Variants in TTN observed in about 807,000 individuals in gnomAD.
TTN encodes titin.
In TTN, 1,525 loss-of-function variants were observed where a neutral mutation model predicts 3,223.0. That is an observed-to-expected ratio of 0.47 (90% CI 0.45 to 0.49). TTN has a LOEUF of 0.49. TTN is among the 20% of genes least tolerant of loss of function. The pLI is 0.00. For synonymous variants in TTN, 14,094 were observed against 15,161.0 expected, an observed-to-expected ratio of 0.93 and a Z score of 5.17; for missense variants, 40,786 against 43,424.0, an observed-to-expected ratio of 0.94 and a Z score of 5.40.
rs1035536353 is a variant in TTN, at chr2:178,594,160, T to A, written c.58233A>T (p.Ser19411=). ...GEAFALTGRY[S]GKPKPKVSWF... ...AGGAAACCTTAGGCTTTGGTTTGCCTGAGTAACGGCCAGTGAGGGCAAAAG... is the reference window on the plus strand; with the variant it reads ...AGGAAACCTTAGGCTTTGGTTTGCCAGAGTAACGGCCAGTGAGGGCAAAAG... The change falls in exon 297 of 363, where the codon TCA becomes TCT. Residue 19411 remains serine (S), a synonymous_variant. Transcript: ENST00000589042. 1.2e-6 allele frequency: 2 copies of A among 1,613,244 alleles called. No homozygotes were observed. Among genetic ancestry groups the A allele is most frequent in the African/African-American group, 2.7e-5 (2 of 74,916 alleles).
Position 178,570,048 on chromosome 2 carries a change from A to C in TTN, c.76084T>G (p.Leu25362Val), listed in dbSNP as rs1409589701. ...TRCHKRLIGE[L>V]RLRVTGLIEN... is the part of the protein sequence containing the mutation. ...ATGAGTCCAGTTACTCTCAGGCGCA[A>C]CTCTCCAATCAGACGCTTATGGCAT... Residue 25362 changes from leucine to valine, a missense_variant, in exon 326 of 363, where the codon TTG becomes GTG. Coordinates refer to ENST00000589042, the MANE Select transcript of TTN (RefSeq NM_001267550.2). 1 of 1,613,082 alleles carries C rather than the reference A, an allele frequency of 6.2e-7. No individual in the cohort carries two copies. Among genetic ancestry groups the C allele is most frequent in the East Asian group, 2.2e-5 (1 of 44,774 alleles).
intron 232 of TTN, 29 bp downstream of exon 232, chr2:178,633,384 G>A: frequency 1.2e-6 from 2 of 1,612,924 alleles, no homozygotes; most frequent in Middle Eastern, 1.6e-4. Context: ...ATTCAGATAG[G>A]GTAAATTTTA....
chr2:178,604,731 T>A lies in TTN; in HGVS notation c.54358A>T (p.Thr18120Ser), dbSNP rs770883968. ...ACCCCATATCTTTTCTCTACAGCAG[T>A]GTTGGTGACTTCCTCCCATTCTGCT... ...KKAEWEEVTNTAVEKRYGIWK... is the reference protein window; with the variant it reads ...KKAEWEEVTNSAVEKRYGIWK... The change falls in exon 281 of 363, where the codon ACT (threonine) becomes TCT (serine). Residue 18120 changes from threonine (T) to serine (S), a missense_variant. Transcript: ENST00000589042. The A allele has an allele frequency of 6.2e-7, 1 of 1,611,372 alleles. No homozygotes were observed. The highest frequency in any genetic ancestry group is 8.5e-7 in the Non-Finnish European group (1 of 1,178,464).
At position 178,589,393 on chromosome 2, in the gene TTN, C is replaced by A. The variant is rs754672686; in HGVS notation, c.62332G>T (p.Val20778Phe). The A allele has an allele frequency of 1.2e-6, 2 of 1,613,264 alleles. No homozygotes were observed. The highest frequency in any genetic ancestry group is 1.3e-5 in the African/African-American group (1 of 74,872). Residue 20778 changes from valine to phenylalanine, a missense_variant, in exon 304 of 363, where the codon GTC becomes TTC. Transcript: ENST00000589042. Reference sequence around the variant, plus strand: ...GTGTCCCCTGCTTTGACAGTTAGGACCCCACTTAATTTCAGATCAAGTACT... The same window carrying A: ...GTGTCCCCTGCTTTGACAGTTAGGAACCCACTTAATTTCAGATCAAGTACT... ...KPVLDLKLSGVLTVKAGDTIR... is the reference protein window; with the variant it reads ...KPVLDLKLSGFLTVKAGDTIR...
In TTN at chr2:178,536,157, G is replaced by A. The variant is rs1489832770; in HGVS notation, c.100590C>T (p.Tyr33530=). ...TGHPKPIVKW[Y]RQGKEIIADG... ...CTGCAATGATTTCTTTGCCTTGTCT[G>A]TACCATTTGACGATAGGTTTTGGAT... The change falls in exon 357 of 363, where the codon TAC becomes TAT. Residue 33530 remains tyrosine (Y), a synonymous_variant. Coordinates refer to ENST00000589042, the MANE Select transcript of TTN (RefSeq NM_001267550.2). 1.2e-6 allele frequency: 2 copies of A among 1,613,468 alleles called. No homozygotes were observed. Among genetic ancestry groups the A allele is most frequent in the African/African-American group, 1.3e-5 (1 of 74,886 alleles).
Position 178,549,975 on chromosome 2 carries a change from T to C in TTN, c.91852+11A>G. 6.3e-7 allele frequency: 1 copy of C among 1,594,534 alleles called. No individual in the cohort carries two copies. Among genetic ancestry groups the C allele is most frequent in the Non-Finnish European group, 8.6e-7 (1 of 1,168,508 alleles). On this transcript the variant is annotated intron_variant, in intron 337 of 362. Transcript: ENST00000589042. Reference sequence around the variant, plus strand: ...ATAAATTGTAGCATTAAGAAGCTATTTTAAAAGTACCTTGTACTTTCACTT... The same window carrying C: ...ATAAATTGTAGCATTAAGAAGCTATCTTAAAAGTACCTTGTACTTTCACTT...
rs753125248 is a variant in TTN at position 178,709,790 on chromosome 2, G to T, written c.28529C>A (p.Ser9510Tyr). 1.1e-5 allele frequency: 17 copies of T among 1,613,670 alleles called. No individual in the cohort carries two copies. In the Middle Eastern group the frequency reaches 8.3e-4, roughly 78 times the overall value. The change falls in exon 99 of 363, where the codon TCT (serine) becomes TAT (tyrosine). Residue 9510 changes from serine (S) to tyrosine (Y), a missense_variant. By Grantham distance (144) the Ser-to-Tyr change is moderately radical. Transcript: ENST00000589042. ...AGCCACACGTCCCTCAAGTTTGAAAGAATTCCCTTCTGTTTCTTCTACTGT... is the reference window on the plus strand; with the variant it reads ...AGCCACACGTCCCTCAAGTTTGAAATAATTCCCTTCTGTTTCTTCTACTGT... ...SETVEETEGN[S>Y]FKLEGRVAGS...
rs369163954 is a variant in TTN at position 178,718,990 on chromosome 2, G to A, written c.24227-17C>T. On this transcript the variant is annotated splice_polypyrimidine_tract_variant and intron_variant, in intron 83 of 362. Transcript: ENST00000589042. ...ATGGTGGTTCTAGATATTGCAAGGC[G>A]GAAGGGGAGATAAAGAGAAGAAAGA... 38 of 1,566,836 alleles carry A rather than the reference G, an allele frequency of 2.4e-5. No homozygotes were observed. The highest frequency in any genetic ancestry group is 1.6e-4 in the South Asian group (13 of 83,626).
At chr2:178,700,114 TTAACA>T (rs751099220) in intron 111 of TTN, among the ~76,000 whole-genome samples, 6 of 152,200 alleles carry the variant, frequency 3.9e-5, no homozygotes, top group Non-Finnish European at 8.8e-5. Context: ...AAATCATTCA[TTAACA>T]TAAGTTATTA....
At position 178,729,505 on chromosome 2, in the gene TTN, C is replaced by T. The variant is rs1271079786; in HGVS notation, c.18651G>A (p.Glu6217=). 1 of 1,613,566 alleles carries T rather than the reference C, an allele frequency of 6.2e-7. No individual in the cohort carries two copies. Among genetic ancestry groups the T allele is most frequent in the Non-Finnish European group, 8.5e-7 (1 of 1,179,634 alleles). Residue 6217 remains glutamate (E), a synonymous_variant, in exon 64 of 363, where the codon GAG becomes GAA. Coordinates refer to ENST00000589042, the MANE Select transcript of TTN (RefSeq NM_001267550.2). ...GTGTTCCCGTAACTTCACACTCCAG[C>T]TCCACGTCACTATATTTTACTACCT... ...PVEVVKYSDV[E]LECEVTGTPP...
chr2:178,673,570 G>A (rs1362559720), intron 152 of TTN, 63 bp downstream of exon 152: 5 of 1,337,616 alleles, frequency 3.7e-6, no homozygotes, highest in Admixed American at 2.5e-5. Context: ...AAAAGAAAAT[G>A]TTGCTTTTAA....
chr2:178,800,697 G>C lies in TTN; in HGVS notation c.296-15C>G, dbSNP rs200885207. On this transcript the variant is annotated splice_polypyrimidine_tract_variant and intron_variant, in intron 3 of 362. Transcript: ENST00000589042. Reference sequence around the variant, plus strand: ...TGCTGTCTCAGCTGCGGGGACAAGAGAACAAAGTCAAGAGTGAGAGCCAGG... The same window carrying C: ...TGCTGTCTCAGCTGCGGGGACAAGACAACAAAGTCAAGAGTGAGAGCCAGG... 6.2e-7 allele frequency: 1 copy of C among 1,600,918 alleles called. No individual in the cohort carries two copies. Among genetic ancestry groups the C allele is most frequent in the Non-Finnish European group, 8.5e-7 (1 of 1,173,874 alleles).
intron 326 of TTN, chr2:178,559,057 A>G (rs1702624490): frequency 9.0e-6 from 3 of 332,672 alleles, no homozygotes; most frequent in African/African-American, 2.2e-5. Flanking sequence ...ACCTACATAT[A>G]TATACAGTTA....
rs774260259 is a variant in TTN at position 178,688,686 on chromosome 2, G to A, written c.32188C>T (p.Arg10730Trp). 8.1e-6 allele frequency: 13 copies of A among 1,611,622 alleles called. No individual in the cohort carries two copies. The East Asian group carries it at 1.1e-4, about 14-fold the overall frequency. The change falls in exon 126 of 363, where the codon CGG (arginine) becomes TGG (tryptophan). Residue 10730 changes from arginine to tryptophan, a missense_variant. Arg to Trp is a moderately radical substitution (Grantham distance 101). Transcript: ENST00000589042. The part of the protein sequence containing the change: ...FAVPQRVEVT[R>W]HEVSAEEEWS... ...ACTTCCGATTATATACCTTCGTGCC[G>A]CGTGACTTCCACTCTTTGAGGAACT...
rs777417650 is a variant in TTN at position 178,572,502 on chromosome 2, G to A, written c.73630C>T (p.Leu24544Phe). The change falls in exon 326 of 363, where the codon CTC becomes TTC. Residue 24544 changes from leucine (L) to phenylalanine (F), a missense_variant. Transcript: ENST00000589042. ...TTGATTTTTGAACCTCCATCAAGGA[G>A]AGGTGGGTCCCATGTGAGTGTGACA... The part of the protein sequence containing the change: ...TSVTLTWDPP[L>F]LDGGSKIKNY... 2.3e-5 allele frequency: 37 copies of A among 1,613,230 alleles called. No individual in the cohort carries two copies. The highest frequency in any genetic ancestry group is 2.9e-5 in the Non-Finnish European group (34 of 1,179,580).
rs1034011406 is a variant in TTN, at chr2:178,774,912, G to A, written c.6790+9C>T. ...TAGGTAAACAATGAAATCCTTCGTT[G>A]TTGAATACCTTCAACAATAAGTTTA... On this transcript the variant is annotated intron_variant, in intron 29 of 362. Transcript: ENST00000589042. 6.2e-7 allele frequency: 1 copy of A among 1,613,420 alleles called. No individual in the cohort carries two copies. The highest frequency in any genetic ancestry group is 8.5e-7 in the Non-Finnish European group (1 of 1,179,804).
rs1289916968 is a variant in TTN at position 178,599,027 on chromosome 2, T to C, written c.56683A>G (p.Ser18895Gly). The change falls in exon 291 of 363, where the codon AGC (serine) becomes GGC (glycine). Residue 18895 changes from serine to glycine, a missense_variant. Transcript: ENST00000589042. The part of the protein sequence containing the change: ...PGAPDKPTVS[S>G]VTRNSMTVNW... Reference sequence around the variant, plus strand: ...ACAGTCATGGAGTTACGAGTCACGCTGCTAACTGTTGGTTTATCTGGTGCT... The same window carrying C: ...ACAGTCATGGAGTTACGAGTCACGCCGCTAACTGTTGGTTTATCTGGTGCT... The C allele has an allele frequency of 1.3e-6, 2 of 1,589,156 alleles. No homozygotes were observed. The highest frequency in any genetic ancestry group is 1.7e-6 in the Non-Finnish European group (2 of 1,167,220).
chr2:178,609,002 G>T, intron 273 of TTN, 94 bp from the exon 274 acceptor site: 2 of 1,473,308 alleles, frequency 1.4e-6, no homozygotes, highest in East Asian at 2.3e-5. Flanking sequence ...GACATGATTT[G>T]TGGTTTTCCC....
At position 178,534,472 on chromosome 2, in the gene TTN, T is replaced by C; in HGVS notation, c.102143A>G (p.Asp34048Gly). 1 of 1,613,658 alleles carries C rather than the reference T, an allele frequency of 6.2e-7. No individual in the cohort carries two copies. The highest frequency in any genetic ancestry group is 8.5e-7 in the Non-Finnish European group (1 of 1,179,818). ...AFKEISIEAM[D>G]FVDRLLVKER... ...TTTCACTAACAACCGGTCAACAAAATCCATGGCTTCAATGCTAATCTCTTT... is the reference window on the plus strand; with the variant it reads ...TTTCACTAACAACCGGTCAACAAAACCCATGGCTTCAATGCTAATCTCTTT... Residue 34048 changes from aspartate to glycine, a missense_variant, in exon 358 of 363, where the codon GAT becomes GGT. Physicochemically the swap from Asp to Gly is moderately conservative, Grantham distance 94. Coordinates refer to ENST00000589042, the MANE Select transcript of TTN (RefSeq NM_001267550.2).
Sources: gnomAD v4.1 joint callset for allele counts (sites outside exome capture counted in the v4.1 genomes callset) on GRCh38, gnomAD v4.1.1 for gene constraint, MANE v1.5 for transcripts, NCBI Gene and HGNC (gene_info 2026-07-23, HGNC 2026-07-21) for gene names.